Variants in SLC17A3 observed in about 807,000 individuals in gnomAD.
SLC17A3 encodes sodium-dependent phosphate transport protein 4.
In SLC17A3, 61 loss-of-function variants were observed where a neutral mutation model predicts 60.3. The ratio of observed to expected loss-of-function variants is 1.01; its 90% CI spans 0.82 to 1.25. The LOEUF is 1.25. SLC17A3 is among the 50% of genes most tolerant of loss of function. The pLI, the probability that SLC17A3 is intolerant of heterozygous loss-of-function variation, is 0.00. For synonymous variants in SLC17A3, 192 were observed against 208.9 expected (o/e 0.92, Z 0.70); for missense variants, 624 against 594.9 (o/e 1.05, Z -0.51).
intron 6 of SLC17A3, among the ~76,000 whole-genome samples, chr6:25,854,792 G>T (rs897209198): frequency 3.6e-4 from 55 of 152,058 alleles, no homozygotes; most frequent in African/African-American, 1.2e-3. Context: ...TTGCTCCTGT[G>T]CTTACTCTGA....
rs756506718 is a variant in SLC17A3 at position 25,849,968 on chromosome 6, G to A, written c.1124-16C>T. 2 of 1,614,056 alleles carry A rather than the reference G, an allele frequency of 1.2e-6. No individual in the cohort carries two copies. Among genetic ancestry groups the A allele is most frequent in the Non-Finnish European group, 1.7e-6 (2 of 1,179,884 alleles). ...GGGAGACTTCCTAGGAAATGAAGAA[G>A]AAACCAATTAAACAGTGAGATGCAT... On this transcript the variant is annotated splice_polypyrimidine_tract_variant and intron_variant, in intron 9 of 12. Transcript: ENST00000397060.
At chr6:25,846,603 A>ATTCTT (rs952237488) in intron 11 of SLC17A3, among the ~76,000 whole-genome samples, 9 of 152,090 alleles carry the variant, frequency 5.9e-5, no homozygotes, top group Admixed American at 1.3e-4. Flanking sequence ...TGATGGAAAT[A>ATTCTT]TTCTTTTCTT....
chr6:25,873,424 G>T (rs894781735), intron 1 of SLC17A3, among the ~76,000 whole-genome samples: 1 of 152,046 alleles, frequency 6.6e-6, no homozygotes, highest in African/African-American at 2.4e-5. Context: ...TAGTTTAAAG[G>T]CAGGGAGTGT....
chr6:25,860,280 C>T (rs1765425269), intron 5 of SLC17A3, among the ~76,000 whole-genome samples: 1 of 148,798 alleles, frequency 6.7e-6, no homozygotes, highest in African/African-American at 2.5e-5. Flanking sequence ...AATAGGTGCA[C>T]CTTTCTAGGC....
chr6:25,862,170 A>G, intron 3 of SLC17A3, 63 bp downstream of exon 3: 2 of 1,492,724 alleles, frequency 1.3e-6, no homozygotes, highest in Admixed American at 3.5e-5. Flanking sequence ...CTCTAGAAAA[A>G]TAAATATCCA....
chr6:25,851,493 G>A (rs1002439148), intron 6 of SLC17A3, among the ~76,000 whole-genome samples: 5 of 151,944 alleles, frequency 3.3e-5, no homozygotes, highest in African/African-American at 7.3e-5. Flanking sequence ...AAAGATTAAC[G>A]CCTATGTTTT....
chr6:25,851,824 G>C (rs937407799), intron 6 of SLC17A3, among the ~76,000 whole-genome samples: 1 of 152,098 alleles, frequency 6.6e-6, no homozygotes, highest in African/African-American at 2.4e-5. Flanking sequence ...ACATCAGGTA[G>C]TGTTAGTCCT....
intron 10 of SLC17A3, 136 bp downstream of exon 10, chr6:25,849,669 G>GA: frequency 2.0e-6 from 2 of 1,011,766 alleles, no homozygotes; most frequent in Non-Finnish European, 3.0e-6. Context: ...CAACATACCT[G>GA]AAAAAAACGG....
At chr6:25,867,793 A>T (rs1765561123) in intron 2 of SLC17A3, among the ~76,000 whole-genome samples, 1 of 151,946 alleles carries the variant, frequency 6.6e-6, no homozygotes, top group African/African-American at 2.4e-5. Context: ...TAATAAAGCA[A>T]TATGGAAAAC....
chr6:25,862,468 T>C (rs1043921454), intron 2 of SLC17A3, 24 bp from the exon 3 acceptor site: 1 of 1,571,504 alleles, frequency 6.4e-7, no homozygotes, highest in Admixed American at 1.7e-5. Context: ...GACATCATAT[T>C]AGTGTTTTTT....
chr6:25,851,604 T>C (rs1162452954), intron 6 of SLC17A3, among the ~76,000 whole-genome samples: 1 of 152,128 alleles, frequency 6.6e-6, no homozygotes, highest in Non-Finnish European at 1.5e-5. Context: ...AGTTCATTTT[T>C]TTGCATGTGG....
intron 10 of SLC17A3, 31 bp from the exon 11 acceptor site, chr6:25,849,495 T>G (rs1163760168): frequency 7.3e-7 from 1 of 1,378,316 alleles, no homozygotes; most frequent in Admixed American, 1.7e-5. Flanking sequence ...CCGGTCTAGA[T>G]CCAGAGATGT....
At chr6:25,858,397 C>T (rs1765394235) in intron 5 of SLC17A3, among the ~76,000 whole-genome samples, 1 of 152,170 alleles carries the variant, frequency 6.6e-6, no homozygotes, top group South Asian at 2.1e-4. Context: ...GACTTCCACC[C>T]TGCTGGACTT....
At chr6:25,851,874 T>C (rs1765283773) in intron 6 of SLC17A3, among the ~76,000 whole-genome samples, 1 of 152,174 alleles carries the variant, frequency 6.6e-6, no homozygotes, top group African/African-American at 2.4e-5. Context: ...TTGGCTATTC[T>C]AAAATCTTTG....
At chr6:25,853,180 C>G (rs1765306390) in intron 6 of SLC17A3, among the ~76,000 whole-genome samples, 1 of 152,006 alleles carries the variant, frequency 6.6e-6, no homozygotes, top group Non-Finnish European at 1.5e-5. Flanking sequence ...CCGTCCTCAG[C>G]CTTCACCAAT....
rs1295883842 is a variant in SLC17A3, at chr6:25,849,468, T to A, written c.1272-4A>T. 5.7e-6 allele frequency: 9 copies of A among 1,589,878 alleles called. No homozygotes were observed. Among genetic ancestry groups the A allele is most frequent in the Non-Finnish European group, 7.8e-6 (9 of 1,158,114 alleles). Reference sequence around the variant, plus strand: ...TCCCATGAGAAAACTGGAATACCTGTGGGTGACAGGAATGTTCCGGTCTAG... The same window carrying A: ...TCCCATGAGAAAACTGGAATACCTGAGGGTGACAGGAATGTTCCGGTCTAG... On this transcript the variant is annotated splice_polypyrimidine_tract_variant and splice_region_variant and intron_variant, in intron 10 of 12. Coordinates refer to ENST00000397060, the MANE Select transcript of SLC17A3 (RefSeq NM_001098486.2).
At chr6:25,873,682 T>A (rs1224892598) in intron 1 of SLC17A3, among the ~76,000 whole-genome samples, 1 of 152,112 alleles carries the variant, frequency 6.6e-6, no homozygotes, top group Non-Finnish European at 1.5e-5. Flanking sequence ...TTTCTCCAGA[T>A]GCTTTCTTGG....
At chr6:25,857,671 G>C (rs1765380961) in intron 5 of SLC17A3, among the ~76,000 whole-genome samples, 1 of 152,140 alleles carries the variant, frequency 6.6e-6, no homozygotes, top group Non-Finnish European at 1.5e-5. Flanking sequence ...ACTTGCCAAA[G>C]GTCACATTGT....
intron 11 of SLC17A3, among the ~76,000 whole-genome samples, chr6:25,848,345 CT>C (rs1341658054): frequency 1.3e-5 from 2 of 152,174 alleles, no homozygotes; most frequent in African/African-American, 4.8e-5. Flanking sequence ...GCTGGTTGTA[CT>C]AGTTTACATT....
Sources: gnomAD v4.1 joint callset for allele counts (sites outside exome capture counted in the v4.1 genomes callset) on GRCh38, gnomAD v4.1.1 for gene constraint, MANE v1.5 for transcripts, NCBI Gene and HGNC (gene_info 2026-07-23, HGNC 2026-07-21) for gene names.